Variants in PTGER3 observed in about 807,000 individuals in gnomAD.
PTGER3 encodes prostaglandin E2 receptor EP3 subtype.
A neutral mutation model predicts 34.7 loss-of-function variants in PTGER3; 22 were observed. That is an observed-to-expected ratio of 0.63 (90% CI 0.45 to 0.91). PTGER3 has a LOEUF of 0.91. Ranked by LOEUF, PTGER3 falls within the 40% of genes least tolerant of loss-of-function variation. The pLI, the probability that PTGER3 is intolerant of heterozygous loss-of-function variation, is 0.00. For synonymous variants in PTGER3, 241 were observed against 230.1 expected (o/e 1.05, Z -0.43); for missense variants, 468 against 519.4 (o/e 0.90, Z 0.96).
At chr1:70,912,442 C>G (rs1388578187) in intron 4 of PTGER3, among the ~76,000 whole-genome samples, 2 of 151,956 alleles carry the variant, frequency 1.3e-5, no homozygotes, top group African/African-American at 4.8e-5. Context: ...GTGATGTGTT[C>G]AATGTCCAGT....
At chr1:70,883,086 T>C (rs1572541711) in intron 4 of PTGER3, among the ~76,000 whole-genome samples, 1 of 152,200 alleles carries the variant, frequency 6.6e-6, no homozygotes, top group Non-Finnish European at 1.5e-5. Context: ...GTTAATATGA[T>C]GATACCCATT....
At chr1:71,011,726 A>T in intron 2 of PTGER3, 1 of 977,388 alleles carries the variant, frequency 1.0e-6, no homozygotes, top group Non-Finnish European at 1.2e-6. Flanking sequence ...TAAATACATT[A>T]TACATTTTTA....
intron 4 of PTGER3, among the ~76,000 whole-genome samples, chr1:70,929,011 G>A (rs1000217921): frequency 6.6e-5 from 10 of 152,000 alleles, no homozygotes; most frequent in African/African-American, 2.4e-4. Context: ...TTTGAACTAA[G>A]TCCTCCAGAT....
intron 4 of PTGER3, among the ~76,000 whole-genome samples, chr1:70,866,776 C>T (rs1011986388): frequency 1.3e-5 from 2 of 152,192 alleles, no homozygotes; most frequent in African/African-American, 4.8e-5. Context: ...CAGCCTGAAT[C>T]ATAGGCCATT....
At chr1:70,999,256 T>G (rs1040118752) in intron 2 of PTGER3, among the ~76,000 whole-genome samples, 6 of 152,214 alleles carry the variant, frequency 3.9e-5, no homozygotes, top group African/African-American at 1.2e-4. Context: ...TGAATTCATT[T>G]AGTGATAATA....
chr1:70,928,729 C>G (rs768599281), intron 4 of PTGER3, among the ~76,000 whole-genome samples: 6 of 152,132 alleles, frequency 3.9e-5, no homozygotes, highest in Non-Finnish European at 7.4e-5. Flanking sequence ...TATTTTTCTT[C>G]AAATGCTCTG....
intron 4 of PTGER3, among the ~76,000 whole-genome samples, chr1:70,863,072 C>G (rs927944174): frequency 1.3e-5 from 2 of 151,516 alleles, no homozygotes; most frequent in African/African-American, 4.9e-5. Context: ...GGCCGATGCC[C>G]AGGTTCTCTG....
intron 2 of PTGER3, among the ~76,000 whole-genome samples, chr1:70,990,467 TATATATACAC>T (rs1352926735): frequency 6.7e-6 from 1 of 149,362 alleles, no homozygotes; most frequent in Non-Finnish European, 1.5e-5. Flanking sequence ...ATATTATACA[TATATATACAC>T]ATATATGCAT....
chr1:70,892,507 T>C (rs4998697), intron 4 of PTGER3, among the ~76,000 whole-genome samples: 96,608 of 151,922 alleles, frequency 0.64, 31,643 homozygotes, highest in East Asian at 0.87. Context: ...TACTAGCTAT[T>C]CAAGGAGTAA....
chr1:70,886,764 A>G (rs1019033560), intron 4 of PTGER3, among the ~76,000 whole-genome samples: 1 of 152,218 alleles, frequency 6.6e-6, no homozygotes, highest in Non-Finnish European at 1.5e-5. Context: ...AGGGCTAAGC[A>G]CAGATCCTGG....
intron 1 of PTGER3, among the ~76,000 whole-genome samples, chr1:71,025,387 T>C (rs1658836932): frequency 6.6e-6 from 1 of 151,948 alleles, no homozygotes. Context: ...ATATATTGAA[T>C]CTATAAGAGG....
At chr1:70,981,376 TTTCTTTCTTTCTTTCTTTCCTTCCTTCC>T (rs1408387465) in intron 2 of PTGER3, among the ~76,000 whole-genome samples, 2,155 of 92,098 alleles carry the variant, frequency 0.023, 61 homozygotes, top group Admixed American at 0.039. Flanking sequence ...TCTTTCTTTC[TTTCTTTCTTTCTTTCTTTCCTTCCTTCC>T]TTCCTTCCTT....
At chr1:70,866,464 G>A (rs374923242) in intron 4 of PTGER3, among the ~76,000 whole-genome samples, 12 of 152,204 alleles carry the variant, frequency 7.9e-5, no homozygotes, top group East Asian at 1.9e-4. Context: ...CAAAGCCCCC[G>A]AGTCCTGAGT....
intron 4 of PTGER3, among the ~76,000 whole-genome samples, chr1:70,900,352 A>C (rs1463678020): frequency 6.6e-6 from 1 of 152,042 alleles, no homozygotes; most frequent in African/African-American, 2.4e-5. Context: ...ATAGGGCTGG[A>C]CCTTGAAGGA....
chr1:71,018,832 G>A (rs780679399), intron 1 of PTGER3, among the ~76,000 whole-genome samples: 10 of 152,074 alleles, frequency 6.6e-5, no homozygotes, highest in Non-Finnish European at 1.3e-4. Context: ...ACATTGTTTA[G>A]TACACTGTAA....
intron 2 of PTGER3, among the ~76,000 whole-genome samples, chr1:70,997,744 G>C (rs767451969): frequency 6.6e-6 from 1 of 152,188 alleles, no homozygotes; most frequent in Non-Finnish European, 1.5e-5. Flanking sequence ...CAGAATATAA[G>C]CCACATCTGA....
intron 1 of PTGER3, among the ~76,000 whole-genome samples, chr1:71,014,825 C>T (rs1399649687): frequency 6.6e-6 from 1 of 152,194 alleles, no homozygotes; most frequent in African/African-American, 2.4e-5. Flanking sequence ...CAGACTAAGA[C>T]AGTGTTTACA....
rs563793260 is a variant in PTGER3 at position 71,036,618 on chromosome 1, A to T, written c.897+10063T>A. ...CCCTTTGGGAGGCCGAGGTGGGCGG[A>T]TCACAAGGTCAGGAGATCGAGACCA... On this transcript the variant is annotated intron_variant, in intron 1 of 3. Transcript: ENST00000306666. 2.0e-5 allele frequency among the ~76,000 whole-genome samples: 3 copies of T among 152,256 alleles called. No homozygotes were observed. The South Asian group carries it at 6.2e-4, about 32-fold the overall frequency.
chr1:70,865,418 T>C (rs2100506734), intron 4 of PTGER3, among the ~76,000 whole-genome samples: 1 of 152,072 alleles, frequency 6.6e-6, no homozygotes, highest in Non-Finnish European at 1.5e-5. Context: ...AGGCAAGAGA[T>C]TATGAGGGAC....
Sources: allele counts gnomAD v4.1 joint callset (sites outside exome capture counted in the v4.1 genomes callset), GRCh38; gene constraint gnomAD v4.1.1; transcripts MANE v1.5; gene names NCBI Gene and HGNC (gene_info 2026-07-23, HGNC 2026-07-21).